The following PCDHGA1 variants were observed in gnomAD, a reference collection of about 807,000 sequenced individuals.
PCDHGA1 encodes protocadherin gamma-A1.
Under a neutral mutation model 58.0 loss-of-function variants are expected in PCDHGA1, and 32 were observed. That is an observed-to-expected ratio of 0.55 (90% CI 0.42 to 0.74). The LOEUF is 0.74. Among genes scored for constraint, PCDHGA1 ranks in the 30% least tolerant of loss-of-function variants. PCDHGA1 has a pLI of 0.00. For synonymous variants in PCDHGA1, 498 were observed against 501.1 expected, an observed-to-expected ratio of 0.99 and a Z score of 0.08; for missense variants, 1,205 against 1,182.3, an observed-to-expected ratio of 1.02 and a Z score of -0.28.
intron 1 of PCDHGA1, 96 bp from the exon 2 acceptor site, chr5:141,494,711 A>G (rs757105958): frequency 6.3e-7 from 1 of 1,599,616 alleles, no homozygotes; most frequent in Non-Finnish European, 8.5e-7. Flanking sequence ...CTCTGTGCCC[A>G]CTCCCCTCCT....
Position 141,491,324 on chromosome 5 carries a change from T to C in PCDHGA1, c.2422-3483T>C, listed in dbSNP as rs762200164. 16 of 1,614,060 alleles carry C rather than the reference T, an allele frequency of 9.9e-6. No homozygotes were observed. The highest frequency in any genetic ancestry group is 8.3e-5 in the Admixed American group (5 of 60,010). On this transcript the variant is annotated intron_variant, in intron 1 of 3. Transcript: ENST00000517417. This position sits in a 1 kb window ranked among gnomAD's most constrained non-coding sequence, Gnocchi z 6.9. ...CGTTCAGACCTTACCCTTTACCTCA[T>C]TGTGGCTCTAGCGACCGTCAGTCTC...
intron 1 of PCDHGA1, among the ~76,000 whole-genome samples, chr5:141,469,538 G>A (rs2099204234): frequency 6.6e-6 from 1 of 152,168 alleles, no homozygotes; most frequent in Non-Finnish European, 1.5e-5. Flanking sequence ...TTGTGCCACT[G>A]CACTCCAGCC....
At position 141,400,283 on chromosome 5, in the gene PCDHGA1, C is replaced by T. The variant is rs566639489; in HGVS notation, c.2421+67178C>T. 2.5e-6 allele frequency: 4 copies of T among 1,614,084 alleles called. No individual in the cohort carries two copies. In the African/African-American group the frequency reaches 5.3e-5, roughly 22 times the overall value. On this transcript the variant is annotated intron_variant, in intron 1 of 3. Coordinates refer to ENST00000517417, the MANE Select transcript of PCDHGA1 (RefSeq NM_018912.3). The stretch of plus-strand genomic sequence containing the variant: ...CTGCGACGCTCCTCCAGCCCTGCCG[C>T]CTGGAGCTGCTTCCAACCTGGTCTC...
At chr5:141,362,244 C>G (rs1380837904) in intron 1 of PCDHGA1, 2 of 1,613,944 alleles carry the variant, frequency 1.2e-6, no homozygotes, top group Non-Finnish European at 8.5e-7. Flanking sequence ...CAGTGCTCTT[C>G]TTCCTCGCGG....
chr5:141,416,011 GGTAA>G (rs1031382322), intron 1 of PCDHGA1: 25 of 239,912 alleles, frequency 1.0e-4, no homozygotes, highest in Non-Finnish European at 3.9e-5. Flanking sequence ...GGTAAGAATA[GGTAA>G]GTATCAGAAA....
chr5:141,363,872 T>G (rs1338866734), intron 1 of PCDHGA1, among the ~76,000 whole-genome samples: 1 of 152,152 alleles, frequency 6.6e-6, no homozygotes, highest in African/African-American at 2.4e-5. Flanking sequence ...AAGAGGTAAA[T>G]AAAGGACATA....
At chr5:141,465,266 C>G (rs2099099623) in intron 1 of PCDHGA1, among the ~76,000 whole-genome samples, 1 of 152,096 alleles carries the variant, frequency 6.6e-6, no homozygotes, top group South Asian at 2.1e-4. Flanking sequence ...ATGATACTAG[C>G]CATTTAGTTC....
At chr5:141,438,883 C>T (rs1026043786) in intron 1 of PCDHGA1, among the ~76,000 whole-genome samples, 4 of 151,728 alleles carry the variant, frequency 2.6e-5, no homozygotes, top group Non-Finnish European at 5.9e-5. Context: ...CCAGGCTGCT[C>T]TTGAACTCCT....
chr5:141,341,557 A>T (rs1328770770), intron 1 of PCDHGA1: 1 of 1,340,508 alleles, frequency 7.5e-7, no homozygotes, highest in Non-Finnish European at 1.0e-6. Context: ...TAGTGTTCAC[A>T]GGCTGTAAGA....
intron 1 of PCDHGA1, chr5:141,428,402 G>T (rs899477196): frequency 1.7e-5 from 8 of 479,776 alleles, no homozygotes; most frequent in African/African-American, 1.4e-4. Flanking sequence ...TCTGCCTGGG[G>T]TTGCTTTCAC....
At position 141,397,472 on chromosome 5, in the gene PCDHGA1, A is replaced by T. The variant is rs548612657; in HGVS notation, c.2421+64367A>T. 6.6e-4 allele frequency among the ~76,000 whole-genome samples: 100 copies of T among 152,362 alleles called. 1 individual carries two copies. Among genetic ancestry groups the T allele is most frequent in the African/African-American group, 2.4e-3 (99 of 41,586 alleles). ...AACACTAGAAATATTGGGGAGTTGG[A>T]AATCATAGAAATGAACAGAAGAATG... On this transcript the variant is annotated intron_variant, in intron 1 of 3. Coordinates refer to ENST00000517417, the MANE Select transcript of PCDHGA1 (RefSeq NM_018912.3).
chr5:141,357,886 T>C lies in PCDHGA1; in HGVS notation c.2421+24781T>C, dbSNP rs144492107. 2.4e-4 allele frequency among the ~76,000 whole-genome samples: 37 copies of C among 152,312 alleles called. No individual in the cohort carries two copies. In the East Asian group the frequency reaches 5.6e-3, roughly 23 times the overall value. On this transcript the variant is annotated intron_variant, in intron 1 of 3. Coordinates refer to ENST00000517417, the MANE Select transcript of PCDHGA1 (RefSeq NM_018912.3). Reference sequence around the variant, plus strand: ...AATTTTACAACTCTGAGCCACCTCATTTCCTTAAATTTCCTTTTCTGTGCT... The same window carrying C: ...AATTTTACAACTCTGAGCCACCTCACTTCCTTAAATTTCCTTTTCTGTGCT...
intron 1 of PCDHGA1, chr5:141,408,955 TA>T: frequency 2.5e-6 from 4 of 1,613,616 alleles, no homozygotes; most frequent in Non-Finnish European, 3.4e-6. Flanking sequence ...GAATTAGTCT[TA>T]GTGAAAATCT....
intron 1 of PCDHGA1, among the ~76,000 whole-genome samples, chr5:141,488,635 C>T (rs1476156734): frequency 6.6e-6 from 1 of 152,152 alleles, no homozygotes; most frequent in Non-Finnish European, 1.5e-5. Flanking sequence ...ACCTTAGCAG[C>T]ATTCAGCAGG....
intron 1 of PCDHGA1, chr5:141,364,781 C>T (rs754157065): frequency 8.1e-6 from 13 of 1,613,988 alleles, no homozygotes; most frequent in Non-Finnish European, 1.0e-5. Flanking sequence ...TGCAGGGACA[C>T]GGTTAGTGCT....
intron 1 of PCDHGA1, chr5:141,355,841 C>A (rs1266019965): frequency 1.2e-6 from 2 of 1,612,290 alleles, no homozygotes; most frequent in East Asian, 4.5e-5. Context: ...GTTCTCACGG[C>A]CTTCGATGGA....
At chr5:141,445,963 A>G (rs2098483291) in intron 1 of PCDHGA1, among the ~76,000 whole-genome samples, 2 of 152,342 alleles carry the variant, frequency 1.3e-5, no homozygotes, top group South Asian at 2.1e-4. Flanking sequence ...TATATGGAGA[A>G]TTGATTTATG....
intron 1 of PCDHGA1, among the ~76,000 whole-genome samples, chr5:141,463,049 T>C (rs529642816): frequency 3.9e-4 from 60 of 152,326 alleles, no homozygotes; most frequent in African/African-American, 1.3e-3. Context: ...CAGCAGGGTC[T>C]CTTTATTATG....
At chr5:141,363,465 C>T (rs1176309581) in intron 1 of PCDHGA1, among the ~76,000 whole-genome samples, 1 of 152,220 alleles carries the variant, frequency 6.6e-6, no homozygotes, top group Non-Finnish European at 1.5e-5. Flanking sequence ...CAAGTATCTG[C>T]TCATGCTTTC....
Sources: allele counts gnomAD v4.1 joint callset (sites outside exome capture counted in the v4.1 genomes callset), GRCh38; gene constraint gnomAD v4.1.1; non-coding constraint Gnocchi (gnomAD v3.1); transcripts MANE v1.5; gene names NCBI Gene and HGNC (gene_info 2026-07-23, HGNC 2026-07-21).